Variants in PCBP3 observed in about 807,000 individuals in gnomAD.
The protein encoded by PCBP3 is poly(rC)-binding protein 3.
PCBP3 carries 25 observed loss-of-function variants against 52.7 expected under a neutral mutation model. The observed-to-expected ratio is 0.47, with a 90% CI of 0.35 to 0.66. The LOEUF is 0.66. PCBP3 is among the 30% of genes least tolerant of loss of function. The pLI is 0.01. For synonymous variants in PCBP3, 162 were observed against 183.0 expected (o/e 0.89, Z 0.93); for missense variants, 391 against 490.3 (o/e 0.80, Z 1.91).
At position 45,942,366 on chromosome 21, in the gene PCBP3, C is replaced by T. The variant is rs563647049; in HGVS notation, c.*660C>T. Reference sequence around the variant, plus strand: ...GGGAAGGCTCTTGGGGTCCCCTGAGCGTCTTCCAGGGTGGCTGGAGAGCAC... The same window carrying T: ...GGGAAGGCTCTTGGGGTCCCCTGAGTGTCTTCCAGGGTGGCTGGAGAGCAC... On this transcript the variant is annotated 3_prime_UTR_variant, in exon 18 of 18. Transcript: ENST00000681687. 6.6e-6 allele frequency: 1 copy of T among 152,328 alleles called. No homozygotes were observed. The highest frequency in any genetic ancestry group is 1.9e-4 in the East Asian group (1 of 5,168). 9.4% of individuals were successfully genotyped at this position (152,328 alleles called of 1,614,324 possible).
Position 45,935,248 on chromosome 21 carries a change from C to A in PCBP3, c.857-5C>A. ...AGCCTAACCATGTCCCCTTGGTATA[C>A]CCAGGTCTGGACGCCAGCCCACCGG... On this transcript the variant is annotated splice_region_variant and splice_polypyrimidine_tract_variant and intron_variant, in intron 15 of 17. Transcript: ENST00000681687. 2 of 1,609,284 alleles carry A rather than the reference C, an allele frequency of 1.2e-6. No homozygotes were observed. The highest frequency in any genetic ancestry group is 2.2e-5 in the South Asian group (2 of 90,946).
chr21:45,923,940 A>G (rs1253233486), intron 13 of PCBP3, among the ~76,000 whole-genome samples: 9 of 57,068 alleles, frequency 1.6e-4, no homozygotes, highest in South Asian at 4.9e-4. Context: ...CACACGTAAG[A>G]TCAGGTGTGC....
intron 2 of PCBP3, among the ~76,000 whole-genome samples, chr21:45,710,428 AGTTTGCTGAGAATGATG>A: frequency 6.6e-6 from 1 of 152,106 alleles, no homozygotes; most frequent in East Asian, 1.9e-4. Context: ...TCCTTGCGAT[AGTTTGCTGAGAATGATG>A]GTTTCCAGCT....
At chr21:45,702,522 A>ATATATT (rs1352196618) in intron 2 of PCBP3, among the ~76,000 whole-genome samples, 1 of 152,224 alleles carries the variant, frequency 6.6e-6, no homozygotes, top group East Asian at 1.9e-4. Flanking sequence ...TTTACACTCT[A>ATATATT]GTCTATTGTG....
At chr21:45,766,671 C>T (rs1162915943) in intron 4 of PCBP3, among the ~76,000 whole-genome samples, 2 of 152,104 alleles carry the variant, frequency 1.3e-5, no homozygotes, top group African/African-American at 2.4e-5. Flanking sequence ...GAGCACAGGC[C>T]CCAGCAGATG....
At chr21:45,721,143 T>C in intron 2 of PCBP3, among the ~76,000 whole-genome samples, 1 of 152,248 alleles carries the variant, frequency 6.6e-6, no homozygotes, top group East Asian at 1.9e-4. Context: ...CCAGGTGCAG[T>C]GGCTCATGCC....
chr21:45,647,062 TA>T (rs60171120), intron 1 of PCBP3, among the ~76,000 whole-genome samples: 93,225 of 150,606 alleles, frequency 0.62, 29,388 homozygotes, highest in East Asian at 0.93. Flanking sequence ...AGGTTAGCAG[TA>T]AAAAAAAAAC....
chr21:45,870,867 T>G (rs117273867), intron 5 of PCBP3: 1 of 153,020 alleles, frequency 6.5e-6, no homozygotes, highest in East Asian at 1.9e-4. Context: ...GTGAGTCTTC[T>G]TAGGACAGGG....
chr21:45,931,759 G>T (rs2076213257), intron 15 of PCBP3, among the ~76,000 whole-genome samples: 1 of 151,964 alleles, frequency 6.6e-6, no homozygotes, highest in Non-Finnish European at 1.5e-5. Flanking sequence ...GAACACATCA[G>T]CCATGCTGTC....
At chr21:45,910,210 CCCCCCACCCA>C (rs2096354943) in intron 10 of PCBP3, among the ~76,000 whole-genome samples, 14 of 69,138 alleles carry the variant, frequency 2.0e-4, no homozygotes, top group African/African-American at 7.5e-4. Flanking sequence ...CAGATACGGA[CCCCCCACCCA>C]CTGCCCAAAT....
intron 2 of PCBP3, among the ~76,000 whole-genome samples, chr21:45,709,628 A>G (rs536377300): frequency 1.3e-5 from 2 of 152,162 alleles, no homozygotes; most frequent in South Asian, 4.1e-4. Flanking sequence ...CAGAATTATG[A>G]TGAGGATGGT....
intron 13 of PCBP3, among the ~76,000 whole-genome samples, chr21:45,929,181 C>G (rs572966982): frequency 6.6e-6 from 1 of 152,150 alleles, no homozygotes; most frequent in Non-Finnish European, 1.5e-5. Flanking sequence ...TCTTGTGGCC[C>G]GAGGATGGGA....
At chr21:45,778,778 G>T (rs529599069) in intron 4 of PCBP3, among the ~76,000 whole-genome samples, 2 of 152,284 alleles carry the variant, frequency 1.3e-5, no homozygotes, top group South Asian at 4.1e-4. Context: ...GTGGGCTTGT[G>T]TTCAAGCAAG....
At chr21:45,679,829 C>T (rs1171582013) in intron 2 of PCBP3, among the ~76,000 whole-genome samples, 1 of 152,182 alleles carries the variant, frequency 6.6e-6, no homozygotes, top group East Asian at 1.9e-4. Context: ...TATAGTTTTA[C>T]ATTTTATATT....
At chr21:45,646,208 ATAT>A (rs1366472138) in intron 1 of PCBP3, among the ~76,000 whole-genome samples, 1 of 151,476 alleles carries the variant, frequency 6.6e-6, no homozygotes, top group Non-Finnish European at 1.5e-5. Flanking sequence ...TTCAGAATTC[ATAT>A]TATTAAATAA....
intron 2 of PCBP3, among the ~76,000 whole-genome samples, chr21:45,686,656 T>G (rs2082171363): frequency 6.6e-6 from 1 of 152,114 alleles, no homozygotes; most frequent in African/African-American, 2.4e-5. Context: ...ATTATAAATA[T>G]GTAGAAGTAC....
intron 4 of PCBP3, among the ~76,000 whole-genome samples, chr21:45,836,043 G>A (rs1011798687): frequency 3.9e-5 from 6 of 152,182 alleles, no homozygotes; most frequent in Non-Finnish European, 7.4e-5. Context: ...GGGGCAACGT[G>A]GGGCCCGAGA....
At chr21:45,854,234 C>T (rs894492378) in intron 5 of PCBP3, among the ~76,000 whole-genome samples, 1 of 152,144 alleles carries the variant, frequency 6.6e-6, no homozygotes, top group African/African-American at 2.4e-5. Context: ...TCAGCTACCA[C>T]ACATGCTTTT....
intron 4 of PCBP3, among the ~76,000 whole-genome samples, chr21:45,843,296 C>T (rs1221255737): frequency 6.6e-6 from 1 of 152,168 alleles, no homozygotes; most frequent in Non-Finnish European, 1.5e-5. Context: ...ATCCCCTGTG[C>T]CTTCGCAGTT....
Sources: gnomAD v4.1 joint callset for allele counts (sites outside exome capture counted in the v4.1 genomes callset) on GRCh38, gnomAD v4.1.1 for gene constraint, MANE v1.5 for transcripts, NCBI Gene and HGNC (gene_info 2026-07-23, HGNC 2026-07-21) for gene names.